RGS12: variants seen among roughly 807,000 people sequenced by gnomAD.
RGS12 encodes the protein regulator of G-protein signaling 12.
Under a neutral mutation model 120.1 loss-of-function variants are expected in RGS12, and 66 were observed. That is an observed-to-expected ratio of 0.55 (90% confidence interval 0.45 to 0.67). RGS12 has a LOEUF of 0.67. Ranked by LOEUF, RGS12 falls within the 30% of genes least tolerant of loss-of-function variation. The probability of loss-of-function intolerance (pLI) is 0.00; values close to 1 mark genes in which losing one functional copy is unlikely to be tolerated. For missense variants in RGS12, 1,859 were observed against 1,957.7 expected, an observed-to-expected ratio of 0.95 and a Z score of 0.95; for synonymous variants, 827 against 804.7, an observed-to-expected ratio of 1.03 and a Z score of -0.47.
intron 4 of RGS12, among the ~76,000 whole-genome samples, chr4:3,395,830 G>A (rs950564550): frequency 6.6e-6 from 1 of 152,068 alleles, no homozygotes; most frequent in African/African-American, 2.4e-5. Flanking sequence ...ATTTTATGGT[G>A]GATTTACGTA....
intron 1 of RGS12, among the ~76,000 whole-genome samples, chr4:3,303,489 A>G (rs1723798252): frequency 6.6e-6 from 1 of 151,714 alleles, no homozygotes; most frequent in Non-Finnish European, 1.5e-5. Context: ...CTGTCCCTGG[A>G]GGCTCTTTTG....
chr4:3,322,700 A>G (rs913211562), intron 2 of RGS12, among the ~76,000 whole-genome samples: 1 of 152,228 alleles, frequency 6.6e-6, no homozygotes, highest in Non-Finnish European at 1.5e-5. Context: ...TATTTGTGAT[A>G]TGTAAAGGAT....
At chr4:3,431,938 C>T (rs879678921) in intron 17 of RGS12, 1 of 985,346 alleles carries the variant, frequency 1.0e-6, no homozygotes, top group Admixed American at 6.1e-5. Context: ...TAGATCTGTA[C>T]ATATCTGGGC....
At chr4:3,330,545 C>T (rs1711728339) in intron 2 of RGS12, among the ~76,000 whole-genome samples, 1 of 152,144 alleles carries the variant, frequency 6.6e-6, no homozygotes, top group Admixed American at 6.5e-5. Flanking sequence ...AACAACAGCA[C>T]CTAGAACAGT....
chr4:3,424,816 G>A (rs1411269987), intron 13 of RGS12, among the ~76,000 whole-genome samples: 2 of 152,208 alleles, frequency 1.3e-5, no homozygotes, highest in Admixed American at 6.5e-5. Context: ...GCGGGACCTG[G>A]GGCAGTTCCT....
intron 1 of RGS12, among the ~76,000 whole-genome samples, chr4:3,311,278 G>A (rs984815856): frequency 5.9e-5 from 9 of 152,220 alleles, no homozygotes; most frequent in Admixed American, 2.0e-4. Flanking sequence ...CTGCTGCATC[G>A]TAGCTCAGGC....
intron 3 of RGS12, chr4:3,370,230 C>T: frequency 6.2e-7 from 1 of 1,613,272 alleles, no homozygotes; most frequent in East Asian, 2.2e-5. Context: ...AATGGTGTGT[C>T]TTAGACCCGG....
chr4:3,347,361 G>A (rs1337427533), intron 3 of RGS12, among the ~76,000 whole-genome samples: 3 of 152,104 alleles, frequency 2.0e-5, no homozygotes, highest in Non-Finnish European at 2.9e-5. Context: ...GGAGAATGGC[G>A]TGATCCTGGG....
rs527532783 is a variant in RGS12, at chr4:3,303,108, G to A, written c.-102+10009G>A. Among the ~76,000 whole-genome samples, 44 of 152,336 alleles carry A rather than the reference G, an allele frequency of 2.9e-4. 1 individual carries two copies. In the East Asian group the frequency reaches 7.9e-3, roughly 27 times the overall value. ...ACGAGGAAGTGGGTCTGACCGAGGGGGATGTTGAGGTTTGGGGAGGGACCC... is the reference window on the plus strand; with the variant it reads ...ACGAGGAAGTGGGTCTGACCGAGGGAGATGTTGAGGTTTGGGGAGGGACCC... On this transcript the variant is annotated intron_variant, in intron 1 of 17. Transcript: ENST00000336727.
At chr4:3,429,173 C>T (rs893527056) in intron 16 of RGS12, among the ~76,000 whole-genome samples, 3 of 152,024 alleles carry the variant, frequency 2.0e-5, no homozygotes, top group Non-Finnish European at 2.9e-5. Context: ...CTCTTGGCTG[C>T]GGGGGTCAGT....
At chr4:3,368,913 T>A (rs894259618) in intron 3 of RGS12, among the ~76,000 whole-genome samples, 1 of 152,086 alleles carries the variant, frequency 6.6e-6, no homozygotes, top group Admixed American at 6.5e-5. Flanking sequence ...TCGTACCTAA[T>A]GTAGACCCTC....
intron 16 of RGS12, 79 bp downstream of exon 16, chr4:3,428,790 A>AGCAGTCACCCAGAT: frequency 7.8e-7 from 1 of 1,285,822 alleles, no homozygotes; most frequent in Non-Finnish European, 1.1e-6. Flanking sequence ...ATCTGCTTTG[A>AGCAGTCACCCAGAT]GCTGTCAGCA....
chr4:3,335,026 G>A (rs1028804449), intron 2 of RGS12, among the ~76,000 whole-genome samples: 5 of 152,214 alleles, frequency 3.3e-5, no homozygotes, highest in East Asian at 3.9e-4. Context: ...CTCCTTTACC[G>A]GTGAAGAAAT....
At chr4:3,421,436 A>ACCTC (rs1455822275) in intron 10 of RGS12, among the ~76,000 whole-genome samples, 6 of 152,128 alleles carry the variant, frequency 3.9e-5, no homozygotes, top group Admixed American at 3.9e-4. Context: ...GTTGCCTAAT[A>ACCTC]CCTCCGCACC....
intron 3 of RGS12, among the ~76,000 whole-genome samples, chr4:3,352,150 A>G (rs573216305): frequency 6.6e-6 from 1 of 152,324 alleles, no homozygotes; most frequent in East Asian, 1.9e-4. Flanking sequence ...TAGTAACCAG[A>G]GGGACATTGT....
chr4:3,417,207 G>T, intron 8 of RGS12, 115 bp downstream of exon 8: 7 of 1,338,214 alleles, frequency 5.2e-6, no homozygotes, highest in African/African-American at 1.5e-5. Context: ...GGTGGGTGAC[G>T]CTCCATGCTG....
chr4:3,306,731 C>T (rs1479231459), intron 1 of RGS12, among the ~76,000 whole-genome samples: 2 of 152,144 alleles, frequency 1.3e-5, no homozygotes, highest in Non-Finnish European at 2.9e-5. Flanking sequence ...TGTCTGAGCC[C>T]ACCCTCTGTG....
intron 1 of RGS12, 56 bp from the exon 2 acceptor site, chr4:3,316,014 G>A: frequency 1.5e-6 from 1 of 647,816 alleles, no homozygotes; most frequent in Non-Finnish European, 2.6e-6. Context: ...TAATACCAGT[G>A]AGTGGTGGAG....
rs553197385 is a variant in RGS12 at position 3,316,967 on chromosome 4, A to G, written c.797A>G (p.Gln266Arg). 8.7e-6 allele frequency: 14 copies of G among 1,613,912 alleles called. No homozygotes were observed. The South Asian group carries it at 1.2e-4, about 14-fold the overall frequency. ...RGCMRRLRAE[Q>R]KIHSLVTMKI... Reference sequence around the variant, plus strand: ...TGCATGCGGCGCCTGCGGGCAGAGCAGAAAATCCACTCGCTGGTGACCATG... The same window carrying G: ...TGCATGCGGCGCCTGCGGGCAGAGCGGAAAATCCACTCGCTGGTGACCATG... Residue 266 changes from glutamine (Q) to arginine (R), a missense_variant, in exon 2 of 18, where the codon CAG (glutamine) becomes CGG (arginine). Transcript: ENST00000336727.
Sources: gnomAD v4.1 joint callset for allele counts (sites outside exome capture counted in the v4.1 genomes callset) on GRCh38, gnomAD v4.1.1 for gene constraint, MANE v1.5 for transcripts, NCBI Gene and HGNC (gene_info 2026-07-23, HGNC 2026-07-21) for gene names.